MAPT: variants seen among roughly 807,000 people sequenced by gnomAD.
MAPT encodes microtubule-associated protein tau.
MAPT carries 34 observed loss-of-function variants against 67.9 expected under a neutral mutation model. The observed-to-expected ratio is 0.50, with a 90% CI of 0.38 to 0.67. MAPT has a LOEUF of 0.67. MAPT is among the 30% of genes least tolerant of loss of function. The pLI, the probability that MAPT is intolerant of heterozygous loss-of-function variation, is 0.00. For synonymous variants in MAPT, 456 were observed against 464.5 expected (o/e 0.98, Z 0.23); for missense variants, 881 against 1,115.2 (o/e 0.79, Z 2.99).
chr17:45,985,870 T>C (rs2073488522), intron 5 of MAPT: 1 of 224,126 alleles, frequency 4.5e-6, no homozygotes, highest in South Asian at 1.6e-4. Flanking sequence ...CATAGTATAG[T>C]TGGAAAACCT....
chr17:45,966,791 GTA>G (rs915336401), intron 2 of MAPT, among the ~76,000 whole-genome samples: 30 of 151,886 alleles, frequency 2.0e-4, no homozygotes, highest in African/African-American at 6.5e-4. Flanking sequence ...ATATGTGTGT[GTA>G]TATATATATG....
Position 45,996,347 on chromosome 17 carries a change from T to G in MAPT, c.1733-52T>G. 6.2e-7 allele frequency: 1 copy of G among 1,600,216 alleles called. No homozygotes were observed. Reference sequence around the variant, plus strand: ...CGGGACAGGCAGCCCCCAGGGCCTTTTCTGACCCCACCCACTCGAGTCCTG... The same window carrying G: ...CGGGACAGGCAGCCCCCAGGGCCTTGTCTGACCCCACCCACTCGAGTCCTG... On this transcript the variant is annotated intron_variant, in intron 8 of 12. Transcript: ENST00000262410. This position sits in a 1 kb window ranked among gnomAD's most constrained non-coding sequence, Gnocchi z 4.5.
At chr17:45,904,324 ATATATTATATATTATATATATAT>A in intron 1 of MAPT, among the ~76,000 whole-genome samples, 1 of 71,886 alleles carries the variant, frequency 1.4e-5, no homozygotes, top group African/African-American at 5.2e-5. Flanking sequence ...CATATATAAT[ATATATTATATATTATATATATAT>A]TATATATATT....
chr17:46,012,662 C>G (rs994452942), intron 10 of MAPT, among the ~76,000 whole-genome samples: 6 of 152,128 alleles, frequency 3.9e-5, no homozygotes, highest in Admixed American at 3.9e-4. Context: ...TGCTGTCCCC[C>G]TCCCTGCCCT....
intron 1 of MAPT, among the ~76,000 whole-genome samples, chr17:45,935,956 CTCT>C (rs1203980020): frequency 6.6e-6 from 1 of 152,196 alleles, no homozygotes; most frequent in African/African-American, 2.4e-5. Flanking sequence ...TCTGCTTTCT[CTCT>C]TCTTACCCAT....
intron 1 of MAPT, among the ~76,000 whole-genome samples, chr17:45,903,177 C>T (rs1397381201): frequency 2.0e-5 from 3 of 152,138 alleles, no homozygotes; most frequent in East Asian, 3.8e-4. Flanking sequence ...TTCATGGAAC[C>T]GTGGGACGGT....
chr17:45,906,151 GT>G lies in MAPT; in HGVS notation c.-18+11466del, dbSNP rs527407406. Among the ~76,000 whole-genome samples the G allele has an allele frequency of 3.0e-4, 46 of 152,270 alleles. No homozygotes were observed. The highest frequency in any genetic ancestry group is 1.1e-3 in the African/African-American group (45 of 41,550). On this transcript the variant is annotated intron_variant, in intron 1 of 12. Coordinates refer to ENST00000262410, the MANE Select transcript of MAPT (RefSeq NM_001377265.1). This position sits in a 1 kb window ranked among gnomAD's most constrained non-coding sequence, Gnocchi z 4.3. ...CCAGGGTGCAAGACAGTGGGTGGGG[GT>G]GCCTTGAGCATGACCTCAAGTGATT...
rs1464607297 is a variant in MAPT at position 46,005,482 on chromosome 17, T to G, written c.1999-4828T>G. Among the ~76,000 whole-genome samples, 3 of 152,204 alleles carry G rather than the reference T, an allele frequency of 2.0e-5. No individual in the cohort carries two copies. In the East Asian group the frequency reaches 5.8e-4, roughly 29 times the overall value. ...ATGAATAAAAAATGATCGTCAAGCC[T>G]ACAGGTGCTGAGGCTACTCCAGAGG... On this transcript the variant is annotated intron_variant, in intron 9 of 12. Coordinates refer to ENST00000262410, the MANE Select transcript of MAPT (RefSeq NM_001377265.1).
intron 4 of MAPT, among the ~76,000 whole-genome samples, chr17:45,981,419 G>A (rs1021163903): frequency 2.0e-5 from 3 of 152,190 alleles, no homozygotes; most frequent in Non-Finnish European, 4.4e-5. Context: ...AAAAAATGAA[G>A]TGTGCCCTTG....
chr17:45,989,050 G>A (rs982458417), intron 6 of MAPT, among the ~76,000 whole-genome samples: 1 of 152,044 alleles, frequency 6.6e-6, no homozygotes, highest in African/African-American at 2.4e-5. Flanking sequence ...CTTGGGGGGG[G>A]CACACTCCTG....
chr17:45,990,768 C>T (rs960580192), intron 7 of MAPT, among the ~76,000 whole-genome samples: 1 of 152,056 alleles, frequency 6.6e-6, no homozygotes, highest in African/African-American at 2.4e-5. Flanking sequence ...GCTTGTGGTC[C>T]TTGGTTAATG....
intron 3 of MAPT, chr17:45,975,663 C>T (rs1179408407): frequency 6.6e-6 from 1 of 152,216 alleles, no homozygotes; most frequent in East Asian, 1.9e-4. Context: ...TTTTCCATCA[C>T]TCCAAAGTAG....
intron 2 of MAPT, chr17:45,969,054 A>G (rs2071378952): frequency 6.6e-6 from 1 of 152,236 alleles, no homozygotes; most frequent in Admixed American, 6.5e-5. Context: ...TAGAGGCTCT[A>G]TCTTCCAGTC....
chr17:45,900,087 T>C (rs922228464), intron 1 of MAPT, among the ~76,000 whole-genome samples: 1 of 152,182 alleles, frequency 6.6e-6, no homozygotes, highest in African/African-American at 2.4e-5. Flanking sequence ...TCTGAGATTG[T>C]GGGTGTGGGT....
chr17:45,910,989 C>T (rs1191226383), intron 1 of MAPT, among the ~76,000 whole-genome samples: 2 of 152,200 alleles, frequency 1.3e-5, no homozygotes, highest in Non-Finnish European at 2.9e-5. Flanking sequence ...GTAACACATC[C>T]TGTAATACAA....
intron 1 of MAPT, among the ~76,000 whole-genome samples, chr17:45,955,274 C>A (rs184170047): frequency 6.6e-6 from 1 of 152,332 alleles, no homozygotes; most frequent in African/African-American, 2.4e-5. Context: ...TAATCCCTCT[C>A]CCTGACCCCA....
chr17:45,987,125 G>A (rs777743575), intron 6 of MAPT, 30 bp downstream of exon 6: 1 of 1,609,864 alleles, frequency 6.2e-7, no homozygotes, highest in Admixed American at 1.7e-5. Context: ...GAGCTCTGCA[G>A]CTGGTCAAGT....
intron 1 of MAPT, among the ~76,000 whole-genome samples, chr17:45,900,640 G>C (rs781224131): frequency 6.6e-6 from 1 of 152,118 alleles, no homozygotes; most frequent in Non-Finnish European, 1.5e-5. Context: ...GCAGCTCAAG[G>C]GCAGACACTG....
intron 9 of MAPT, chr17:45,999,830 C>A: frequency 1.6e-6 from 1 of 617,004 alleles, no homozygotes; most frequent in Non-Finnish European, 2.8e-6. Flanking sequence ...TCACAGCCTC[C>A]CTTAAATGCC....
Sources: allele counts gnomAD v4.1 joint callset (sites outside exome capture counted in the v4.1 genomes callset), GRCh38; gene constraint gnomAD v4.1.1; non-coding constraint Gnocchi (gnomAD v3.1); transcripts MANE v1.5; gene names NCBI Gene and HGNC (gene_info 2026-07-23, HGNC 2026-07-21).